Variants in WWOX observed in about 807,000 individuals in gnomAD.
WWOX encodes the protein WW domain containing oxidoreductase.
Under a neutral mutation model 46.2 loss-of-function variants are expected in WWOX, and 69 were observed. The ratio of observed to expected loss-of-function variants is 1.49; its 90% CI spans 1.23 to 1.82. The LOEUF (loss-of-function observed/expected upper bound fraction) is 1.82. Among genes scored for constraint, WWOX ranks in the 40% most tolerant of loss-of-function variants. The pLI is 0.00. For synonymous variants in WWOX, 359 were observed against 202.6 expected (o/e 1.77, Z -6.56); for missense variants, 919 against 542.6 (o/e 1.69, Z -6.89).
chr16:78,177,000 T>C (rs1036977144), intron 5 of WWOX, among the ~76,000 whole-genome samples: 6 of 152,166 alleles, frequency 3.9e-5, no homozygotes, highest in African/African-American at 1.4e-4. Flanking sequence ...TTGTTGGAAA[T>C]GCAAATTCTT....
chr16:78,296,356 C>A (rs1399503654), intron 5 of WWOX, among the ~76,000 whole-genome samples: 1 of 151,918 alleles, frequency 6.6e-6, no homozygotes, highest in East Asian at 1.9e-4. Flanking sequence ...GTAATCTCCC[C>A]TTGCCTTTTT....
At chr16:78,722,020 A>G (rs1466962138) in intron 8 of WWOX, among the ~76,000 whole-genome samples, 3 of 152,200 alleles carry the variant, frequency 2.0e-5, no homozygotes. Flanking sequence ...TTTTTCTAGA[A>G]GGTGGTATTT....
At chr16:79,128,352 G>A (rs1240756936) in intron 8 of WWOX, among the ~76,000 whole-genome samples, 1 of 151,038 alleles carries the variant, frequency 6.6e-6, no homozygotes, top group Non-Finnish European at 1.5e-5. Flanking sequence ...AAAAAAAATA[G>A]GTCTTAGAAG....
At chr16:78,352,862 T>C (rs2081212195) in intron 5 of WWOX, among the ~76,000 whole-genome samples, 2 of 152,168 alleles carry the variant, frequency 1.3e-5, no homozygotes, top group African/African-American at 4.8e-5. Context: ...TGGCGGTTGA[T>C]TGAATATTGG....
intron 8 of WWOX, among the ~76,000 whole-genome samples, chr16:78,437,092 C>G (rs920884430): frequency 6.6e-6 from 1 of 152,198 alleles, no homozygotes; most frequent in Non-Finnish European, 1.5e-5. Context: ...TGCTGGAGTA[C>G]ACATTCTGTT....
intron 6 of WWOX, among the ~76,000 whole-genome samples, chr16:78,403,074 A>T (rs761974487): frequency 6.6e-5 from 10 of 152,254 alleles, no homozygotes; most frequent in Non-Finnish European, 1.5e-4. Flanking sequence ...ACTCTATTAC[A>T]GCTCCATATA....
intron 8 of WWOX, among the ~76,000 whole-genome samples, chr16:78,694,003 C>G (rs901772055): frequency 1.3e-5 from 2 of 152,036 alleles, no homozygotes; most frequent in African/African-American, 2.4e-5. Context: ...GAGGCCGAGG[C>G]AGGTGGATCG....
At chr16:78,408,863 G>C (rs528081076) in intron 6 of WWOX, among the ~76,000 whole-genome samples, 1 of 152,302 alleles carries the variant, frequency 6.6e-6, no homozygotes, top group Admixed American at 6.5e-5. Context: ...CATCTCAGTG[G>C]ACCACTCAAG....
chr16:78,780,464 C>G (rs537398118), intron 8 of WWOX: 1 of 152,202 alleles, frequency 6.6e-6, no homozygotes. Context: ...AAAAAGGCCT[C>G]TGACTTAACA....
At chr16:78,130,979 C>T (rs781074699) in intron 4 of WWOX, among the ~76,000 whole-genome samples, 1 of 152,198 alleles carries the variant, frequency 6.6e-6, no homozygotes, top group Non-Finnish European at 1.5e-5. Context: ...ATGGGATAGC[C>T]TGTTGCTTCC....
Position 78,413,894 on chromosome 16 carries a change from GTCAGGCCTCTGAGCCCAAGC to G in WWOX, c.606-10974_606-10955del, listed in dbSNP as rs1044105158. Among the ~76,000 whole-genome samples, 14 of 151,834 alleles carry G rather than the reference GTCAGGCCTCTGAGCCCAAGC, an allele frequency of 9.2e-5. No homozygotes were observed. The South Asian group carries it at 2.3e-3, about 25-fold the overall frequency. On this transcript the variant is annotated intron_variant, in intron 6 of 8. Coordinates refer to ENST00000566780, the MANE Select transcript of WWOX (RefSeq NM_016373.4). ...CCCAGTACTTTGGGAGGCTGAGGTTGTCAGGCCTCTGAGCCCAAGCTGAGCCGTCATAACCCCTGTGACCT... is the reference window on the plus strand; with the variant it reads ...CCCAGTACTTTGGGAGGCTGAGGTTGTGAGCCGTCATAACCCCTGTGACCT...
intron 8 of WWOX, among the ~76,000 whole-genome samples, chr16:78,592,442 A>C (rs2045373809): frequency 1.3e-5 from 2 of 152,300 alleles, no homozygotes; most frequent in African/African-American, 4.8e-5. Context: ...GCAGATTGTA[A>C]GTGTGATGAG....
chr16:78,863,484 C>T (rs8054190), intron 8 of WWOX, among the ~76,000 whole-genome samples: 39,314 of 152,010 alleles, frequency 0.26, 5,199 homozygotes, highest in South Asian at 0.32. Context: ...CAGAGAGTCA[C>T]CAATGGACCA....
intron 8 of WWOX, among the ~76,000 whole-genome samples, chr16:78,583,680 G>T (rs186200670): frequency 1.3e-5 from 2 of 152,168 alleles, no homozygotes; most frequent in Non-Finnish European, 1.5e-5. Flanking sequence ...CAGCGGGTTG[G>T]GGGGGTTGCT....
intron 8 of WWOX, among the ~76,000 whole-genome samples, chr16:79,101,988 T>C (rs1433211882): frequency 7.0e-6 from 1 of 141,886 alleles, no homozygotes; most frequent in Non-Finnish European, 1.5e-5. Context: ...TCAAGCTGCA[T>C]CATCTTCCTC....
intron 8 of WWOX, among the ~76,000 whole-genome samples, chr16:78,600,027 C>G (rs775754036): frequency 2.0e-5 from 3 of 152,132 alleles, no homozygotes; most frequent in Non-Finnish European, 4.4e-5. Flanking sequence ...GGAGGCCTCA[C>G]AACCATGGTG....
intron 1 of WWOX, among the ~76,000 whole-genome samples, chr16:78,108,020 C>A (rs886911708): frequency 1.3e-5 from 2 of 151,830 alleles, no homozygotes; most frequent in Middle Eastern, 6.8e-3. Flanking sequence ...CTTCTGCTTC[C>A]CTGGCTCAAG....
chr16:79,059,508 T>G (rs116483505), intron 8 of WWOX, among the ~76,000 whole-genome samples: 1,945 of 152,332 alleles, frequency 0.013, 41 homozygotes, highest in African/African-American at 0.044. Flanking sequence ...TTTCTTTTTT[T>G]GAGATGGAGT....
chr16:78,919,905 A>C (rs1270223360), intron 8 of WWOX, among the ~76,000 whole-genome samples: 3 of 152,182 alleles, frequency 2.0e-5, no homozygotes, highest in Non-Finnish European at 4.4e-5. Context: ...TTATAGATAT[A>C]TTAATGACCA....
Sources: allele counts gnomAD v4.1 joint callset (sites outside exome capture counted in the v4.1 genomes callset), GRCh38; gene constraint gnomAD v4.1.1; transcripts MANE v1.5; gene names NCBI Gene and HGNC (gene_info 2026-07-23, HGNC 2026-07-21).